The following PLCL1 variants were observed in gnomAD, a reference collection of about 807,000 sequenced individuals.
PLCL1 encodes inactive phospholipase C-like protein 1.
Under a neutral mutation model 84.4 loss-of-function variants are expected in PLCL1, and 41 were observed. The ratio of observed to expected loss-of-function variants is 0.49; its 90% CI spans 0.38 to 0.63. PLCL1 has a LOEUF of 0.63. Ranked by LOEUF, PLCL1 falls within the 30% of genes least tolerant of loss-of-function variation. The pLI is 0.00. For synonymous variants in PLCL1, 490 were observed against 488.3 expected, an observed-to-expected ratio of 1.00 and a Z score of -0.05; for missense variants, 1,206 against 1,367.8, an observed-to-expected ratio of 0.88 and a Z score of 1.87.
In PLCL1 at chr2:198,084,753, T is replaced by C. The variant is rs763716985; in HGVS notation, c.1236T>C (p.Ser412=). The C allele has an allele frequency of 6.7e-5, 108 of 1,614,026 alleles. No homozygotes were observed. In the Middle Eastern group the frequency reaches 9.9e-4, roughly 15 times the overall value. ...QPLSHYYINA[S]HNTYLIEDQF... ...TATCTCACTACTATATCAATGCCTCTCATAACACCTATCTAATAGAAGACC... is the reference window on the plus strand; with the variant it reads ...TATCTCACTACTATATCAATGCCTCCCATAACACCTATCTAATAGAAGACC... The change falls in exon 2 of 6, where the codon TCT becomes TCC. Residue 412 remains serine (S), a synonymous_variant. Coordinates refer to ENST00000428675, the MANE Select transcript of PLCL1 (RefSeq NM_006226.4).
intron 5 of PLCL1, among the ~76,000 whole-genome samples, chr2:198,113,103 C>A (rs1353176772): frequency 6.6e-6 from 1 of 151,772 alleles, no homozygotes. Flanking sequence ...TATCCGTGGA[C>A]GAGGTATCTG....
intron 1 of PLCL1, among the ~76,000 whole-genome samples, chr2:198,057,198 A>T: frequency 6.6e-6 from 1 of 152,090 alleles, no homozygotes; most frequent in East Asian, 1.9e-4. Context: ...CCTCGATGTG[A>T]TTGTATTCCT....
chr2:198,089,716 C>T (rs1411660847), intron 3 of PLCL1, among the ~76,000 whole-genome samples: 1 of 152,160 alleles, frequency 6.6e-6, no homozygotes, highest in African/African-American at 2.4e-5. Flanking sequence ...TAAATGTTGT[C>T]TCTTCTGTTA....
intron 1 of PLCL1, among the ~76,000 whole-genome samples, chr2:197,978,504 C>T (rs532512026): frequency 1.4e-4 from 22 of 151,866 alleles, no homozygotes; most frequent in Non-Finnish European, 3.2e-4. Flanking sequence ...AGCAAACAAA[C>T]AAAAAAAGAG....
At chr2:198,058,172 G>T (rs1173150840) in intron 1 of PLCL1, among the ~76,000 whole-genome samples, 1 of 152,026 alleles carries the variant, frequency 6.6e-6, no homozygotes, top group African/African-American at 2.4e-5. Context: ...AAAGATATTT[G>T]CCAAAATATT....
intron 5 of PLCL1, among the ~76,000 whole-genome samples, chr2:198,115,917 T>A (rs1693735525): frequency 6.7e-6 from 1 of 148,480 alleles, no homozygotes; most frequent in Admixed American, 6.8e-5. Flanking sequence ...ATATAAAAAA[T>A]TTTTATGAAA....
At position 198,070,983 on chromosome 2, in the gene PLCL1, T is replaced by C. The variant is rs1692449526; in HGVS notation, c.241-12775T>C. On this transcript the variant is annotated intron_variant, in intron 1 of 5. Transcript: ENST00000428675. ...TAATTTTGCTCCCTTTTTCTAGAGATAACCACTATCACCAATTGGAATATA... is the reference window on the plus strand; with the variant it reads ...TAATTTTGCTCCCTTTTTCTAGAGACAACCACTATCACCAATTGGAATATA... The C allele has an allele frequency of 5.1e-6, 4 of 784,466 alleles. No individual in the cohort carries two copies. The African/African-American group carries it at 5.6e-5, about 11-fold the overall frequency. The allele number at this position is 784,466 out of a possible 1,614,324, so 48.6% of individuals were successfully genotyped here. A position where few individuals can be genotyped will look rare whatever the true frequency, so the allele number is the denominator to read the frequency against.
In PLCL1 at chr2:197,910,251, C is replaced by T. The variant is rs146605317; in HGVS notation, c.240+104912C>T. On this transcript the variant is annotated intron_variant, in intron 1 of 5. Coordinates refer to ENST00000428675, the MANE Select transcript of PLCL1 (RefSeq NM_006226.4). ...GTGGATCTCTTCTTTCCTAGCTGCACGATTGATCACTGAAGATGCCCAAGC... is the reference window on the plus strand; with the variant it reads ...GTGGATCTCTTCTTTCCTAGCTGCATGATTGATCACTGAAGATGCCCAAGC... Among the ~76,000 whole-genome samples, 138 of 152,336 alleles carry T rather than the reference C, an allele frequency of 9.1e-4. 2 individuals are homozygous for T. Among genetic ancestry groups the T allele is most frequent in the South Asian group, 2.7e-3 (13 of 4,828 alleles).
chr2:198,027,600 G>A (rs1387343969), intron 1 of PLCL1, among the ~76,000 whole-genome samples: 2 of 151,912 alleles, frequency 1.3e-5, no homozygotes, highest in Admixed American at 6.6e-5. Context: ...ACATCATGTT[G>A]TACACCATAA....
intron 1 of PLCL1, among the ~76,000 whole-genome samples, chr2:197,930,107 G>T (rs969614908): frequency 2.1e-4 from 32 of 152,200 alleles, no homozygotes; most frequent in African/African-American, 7.2e-4. Context: ...CATTACTACT[G>T]CTCTATATAA....
intron 1 of PLCL1, among the ~76,000 whole-genome samples, chr2:197,930,850 C>A (rs1688916695): frequency 6.6e-6 from 1 of 152,156 alleles, no homozygotes; most frequent in African/African-American, 2.4e-5. Context: ...TGTCAAAGTT[C>A]TTTTTTCTAT....
chr2:198,014,400 T>C (rs572515122), intron 1 of PLCL1, among the ~76,000 whole-genome samples: 1 of 152,184 alleles, frequency 6.6e-6, no homozygotes, highest in East Asian at 1.9e-4. Flanking sequence ...ATTCCTCCAA[T>C]AGTCAGTTTC....
chr2:198,032,126 T>C lies in PLCL1; in HGVS notation c.241-51632T>C, dbSNP rs141285164. Among the ~76,000 whole-genome samples, 780 of 152,348 alleles carry C rather than the reference T, an allele frequency of 5.1e-3. 7 individuals are homozygous for C. The highest frequency in any genetic ancestry group is 0.017 in the African/African-American group (707 of 41,574). Reference sequence around the variant, plus strand: ...TAAAATTTCTTTGTGGTCTCTATGATGGTTTAATCACATGTCTCTCAAAAA... The same window carrying C: ...TAAAATTTCTTTGTGGTCTCTATGACGGTTTAATCACATGTCTCTCAAAAA... On this transcript the variant is annotated intron_variant, in intron 1 of 5. Coordinates refer to ENST00000428675, the MANE Select transcript of PLCL1 (RefSeq NM_006226.4).
At chr2:198,130,554 CCTGGGAGGTCA>C (rs1179058671) in intron 5 of PLCL1, among the ~76,000 whole-genome samples, 1 of 152,050 alleles carries the variant, frequency 6.6e-6, no homozygotes, top group Non-Finnish European at 1.5e-5. Flanking sequence ...AGGCATTGTA[CCTGGGAGGTCA>C]CTCAGCCACA....
chr2:198,085,862 T>A lies in PLCL1; in HGVS notation c.2345T>A (p.Phe782Tyr). Residue 782 changes from phenylalanine to tyrosine, a missense_variant, in exon 2 of 6, where the codon TTT becomes TAT. Transcript: ENST00000428675. This position sits in a 1 kb window ranked among gnomAD's most constrained non-coding sequence, Gnocchi z 5.3. ...GATAATCCTATTTTTGATGAAACTTTTGAGTTCCAAGTAAACCTACCTGAG... is the reference window on the plus strand; with the variant it reads ...GATAATCCTATTTTTGATGAAACTTATGAGTTCCAAGTAAACCTACCTGAG... Reference protein sequence around the residue: ...NSDNPIFDETFEFQVNLPELA... With the variant: ...NSDNPIFDETYEFQVNLPELA... The A allele has an allele frequency of 6.2e-7, 1 of 1,614,162 alleles. No homozygotes were observed. The highest frequency in any genetic ancestry group is 8.5e-7 in the Non-Finnish European group (1 of 1,179,994).
chr2:197,855,976 G>T lies in PLCL1; in HGVS notation c.240+50637G>T, dbSNP rs188826060. ...CAGTAAGGGCACCTGTTTTAGCTTG[G>T]TCACCTCCTTTGAACCTAAAACAGA... On this transcript the variant is annotated intron_variant, in intron 1 of 5. Transcript: ENST00000428675. Among the ~76,000 whole-genome samples, 531 of 152,210 alleles carry T rather than the reference G, an allele frequency of 3.5e-3. 1 individual carries two copies. Among genetic ancestry groups the T allele is most frequent in the Non-Finnish European group, 5.9e-3 (398 of 68,008 alleles).
chr2:197,825,302 T>A (rs1280285841), intron 1 of PLCL1, among the ~76,000 whole-genome samples: 1 of 152,216 alleles, frequency 6.6e-6, no homozygotes, highest in Non-Finnish European at 1.5e-5. Context: ...CCAGTCCTAG[T>A]ACCACAGTAA....
intron 1 of PLCL1, among the ~76,000 whole-genome samples, chr2:198,052,479 T>C (rs1691959474): frequency 6.6e-6 from 1 of 151,946 alleles, no homozygotes; most frequent in Non-Finnish European, 1.5e-5. Flanking sequence ...GTGCAGACTT[T>C]GGTGGTATGA....
intron 1 of PLCL1, among the ~76,000 whole-genome samples, chr2:198,031,839 A>C (rs933100678): frequency 6.6e-6 from 1 of 152,074 alleles, no homozygotes; most frequent in African/African-American, 2.4e-5. Context: ...ACTTGTTACT[A>C]TGAAATTTGT....
Sources: gnomAD v4.1 joint callset for allele counts (sites outside exome capture counted in the v4.1 genomes callset) on GRCh38, gnomAD v4.1.1 for gene constraint, Gnocchi (gnomAD v3.1) non-coding constraint, MANE v1.5 for transcripts, NCBI Gene and HGNC (gene_info 2026-07-23, HGNC 2026-07-21) for gene names.